Variants in LRP1B observed in about 807,000 individuals in gnomAD.
The protein encoded by LRP1B is low-density lipoprotein receptor-related protein 1B.
LRP1B carries 217 observed loss-of-function variants against 556.6 expected under a neutral mutation model. That is an observed-to-expected ratio of 0.39 (90% confidence interval 0.35 to 0.44). The LOEUF (loss-of-function observed/expected upper bound fraction) is 0.44. Among genes scored for constraint, LRP1B ranks in the 20% least tolerant of loss-of-function variants. LRP1B has a pLI of 1.00. For missense variants in LRP1B, 5,053 were observed against 5,620.8 expected, an observed-to-expected ratio of 0.90 and a Z score of 3.23; for synonymous variants, 2,047 against 1,865.8, an observed-to-expected ratio of 1.10 and a Z score of -2.50.
intron 7 of LRP1B, among the ~76,000 whole-genome samples, chr2:141,078,566 G>A (rs1007133000): frequency 3.3e-5 from 5 of 152,254 alleles, no homozygotes; most frequent in East Asian, 1.9e-4. Context: ...CAAGGGCATC[G>A]GTCACTGTAT....
chr2:141,031,867 A>C (rs113214064), intron 11 of LRP1B, among the ~76,000 whole-genome samples: 3,940 of 152,082 alleles, frequency 0.026, 75 homozygotes, highest in Non-Finnish European at 0.032. Context: ...GCAATCATCC[A>C]TGTTTGAAGT....
chr2:141,084,594 T>C (rs1287200347), intron 7 of LRP1B, among the ~76,000 whole-genome samples: 1 of 151,966 alleles, frequency 6.6e-6, no homozygotes, highest in South Asian at 2.1e-4. Context: ...AAAATGTACC[T>C]ATCTTTATTT....
intron 31 of LRP1B, among the ~76,000 whole-genome samples, chr2:140,835,772 C>G (rs941092713): frequency 1.3e-5 from 2 of 152,178 alleles, no homozygotes; most frequent in Non-Finnish European, 2.9e-5. Context: ...CTCCTGACCC[C>G]AGGTGATCCA....
intron 1 of LRP1B, among the ~76,000 whole-genome samples, chr2:141,860,821 ACTTCAT>A (rs1277089529): frequency 6.6e-6 from 1 of 152,202 alleles, no homozygotes; most frequent in Non-Finnish European, 1.5e-5. Context: ...GTATCATTAC[ACTTCAT>A]CTTCACAGCA....
intron 32 of LRP1B, among the ~76,000 whole-genome samples, chr2:140,781,487 T>C (rs1170818009): frequency 6.6e-6 from 1 of 152,228 alleles, no homozygotes; most frequent in African/African-American, 2.4e-5. Context: ...TTAATCCATT[T>C]ATTCAATTAA....
intron 1 of LRP1B, among the ~76,000 whole-genome samples, chr2:141,916,227 C>G (rs968649069): frequency 6.6e-6 from 1 of 152,018 alleles, no homozygotes; most frequent in Non-Finnish European, 1.5e-5. Context: ...TATACACCAC[C>G]GGATACTACC....
intron 82 of LRP1B, among the ~76,000 whole-genome samples, chr2:140,318,129 T>A (rs1490910704): frequency 6.6e-6 from 1 of 152,010 alleles, no homozygotes; most frequent in African/African-American, 2.4e-5. Context: ...AGGCAAATAA[T>A]TATAAAGAAA....
intron 62 of LRP1B, among the ~76,000 whole-genome samples, chr2:140,452,963 T>G (rs370464750): frequency 0.094 from 9,926 of 106,000 alleles, 302 homozygotes; most frequent in African/African-American, 0.14. Context: ...GTGTGTGTGT[T>G]TTTTTTTTTT....
At chr2:140,615,735 T>C (rs1293733351) in intron 41 of LRP1B, among the ~76,000 whole-genome samples, 1 of 152,104 alleles carries the variant, frequency 6.6e-6, no homozygotes, top group East Asian at 1.9e-4. Context: ...TTTGAACAAA[T>C]GCCCTCAGAT....
chr2:141,800,990 A>G (rs913623431), intron 2 of LRP1B, among the ~76,000 whole-genome samples: 1 of 152,192 alleles, frequency 6.6e-6, no homozygotes, highest in Admixed American at 6.5e-5. Flanking sequence ...ATTTATTTCA[A>G]AATTGAATTG....
intron 2 of LRP1B, among the ~76,000 whole-genome samples, chr2:141,541,616 A>G (rs548695352): frequency 2.6e-5 from 4 of 152,082 alleles, no homozygotes; most frequent in African/African-American, 9.6e-5. Context: ...AGTCCCATGT[A>G]TTCAATAATA....
At chr2:140,856,248 A>G (rs1692614185) in intron 27 of LRP1B, among the ~76,000 whole-genome samples, 1 of 152,190 alleles carries the variant, frequency 6.6e-6, no homozygotes, top group South Asian at 2.1e-4. Context: ...GAATTTCATC[A>G]TCAGTATCTT....
At chr2:141,474,410 AT>A (rs11330661) in intron 3 of LRP1B, among the ~76,000 whole-genome samples, 141,163 of 152,090 alleles carry the variant, frequency 0.93, 66,437 homozygotes, top group East Asian at 1. Context: ...CACCCCCAGG[AT>A]TTTTTTTAGC....
chr2:140,358,539 T>A (rs1682348910), intron 73 of LRP1B, among the ~76,000 whole-genome samples: 1 of 151,622 alleles, frequency 6.6e-6, no homozygotes, highest in African/African-American at 2.4e-5. Flanking sequence ...CTTCAAAAAA[T>A]TAAGTCTTTA....
At chr2:140,268,985 T>C (rs1162789673) in intron 86 of LRP1B, among the ~76,000 whole-genome samples, 1 of 152,046 alleles carries the variant, frequency 6.6e-6, no homozygotes. Context: ...CCTGCTTCTG[T>C]ACTTCTCTAA....
chr2:140,808,055 G>A (rs1428083620), intron 32 of LRP1B, among the ~76,000 whole-genome samples: 2 of 152,160 alleles, frequency 1.3e-5, no homozygotes, highest in Non-Finnish European at 2.9e-5. Flanking sequence ...TTACGCCACT[G>A]CATTCCAGCC....
At chr2:141,668,719 A>T (rs1010911611) in intron 2 of LRP1B, among the ~76,000 whole-genome samples, 1 of 152,174 alleles carries the variant, frequency 6.6e-6, no homozygotes, top group Admixed American at 6.5e-5. Context: ...TGGAAGATGG[A>T]CAAGGTCAGG....
chr2:141,058,365 G>A (rs983810886), intron 9 of LRP1B, among the ~76,000 whole-genome samples: 8 of 151,670 alleles, frequency 5.3e-5, no homozygotes, highest in Admixed American at 2.0e-4. Context: ...TTGTATTGAT[G>A]AACAGCATCA....
intron 20 of LRP1B, among the ~76,000 whole-genome samples, chr2:140,938,027 C>T (rs1695280714): frequency 1.3e-5 from 2 of 151,558 alleles, no homozygotes; most frequent in African/African-American, 4.9e-5. Context: ...GTTCAAAAGT[C>T]GCTGTCTCAA....
Sources: gnomAD v4.1 joint callset for allele counts (sites outside exome capture counted in the v4.1 genomes callset) on GRCh38, gnomAD v4.1.1 for gene constraint, MANE v1.5 for transcripts, NCBI Gene and HGNC (gene_info 2026-07-23, HGNC 2026-07-21) for gene names.